Variants in PARD3 observed in about 807,000 individuals in gnomAD.
PARD3 encodes par-3 family cell polarity regulator, also known as partitioning defective 3 homolog.
A neutral mutation model predicts 155.4 loss-of-function variants in PARD3; 75 were observed. The ratio of observed to expected loss-of-function variants is 0.48; its 90% confidence interval spans 0.40 to 0.58. The LOEUF is 0.58. Among genes scored for constraint, PARD3 ranks in the 20% least tolerant of loss-of-function variants. The pLI is 0.00. For synonymous variants in PARD3, 576 were observed against 610.5 expected, an observed-to-expected ratio of 0.94 and a Z score of 0.83; for missense variants, 1,642 against 1,721.7, an observed-to-expected ratio of 0.95 and a Z score of 0.82.
At chr10:34,518,525 G>A (rs2081931630) in intron 2 of PARD3, among the ~76,000 whole-genome samples, 1 of 152,138 alleles carries the variant, frequency 6.6e-6, no homozygotes, top group Non-Finnish European at 1.5e-5. Flanking sequence ...ACCTGAAGGG[G>A]CTCCCAATGG....
At chr10:34,643,232 C>T (rs183517934) in intron 2 of PARD3, among the ~76,000 whole-genome samples, 44 of 152,362 alleles carry the variant, frequency 2.9e-4, no homozygotes, top group African/African-American at 8.9e-4. Flanking sequence ...GGAGCCCCCT[C>T]GTCTTGTGTC....
At chr10:34,306,216 G>A (rs1475831618) in intron 20 of PARD3, among the ~76,000 whole-genome samples, 2 of 120,052 alleles carry the variant, frequency 1.7e-5, no homozygotes, top group African/African-American at 2.5e-5. Context: ...AGGAGGCAGA[G>A]GTTGCAGTGG....
At chr10:34,589,635 C>A (rs1162888288) in intron 2 of PARD3, among the ~76,000 whole-genome samples, 2 of 52,072 alleles carry the variant, frequency 3.8e-5, no homozygotes, top group African/African-American at 2.7e-4. Flanking sequence ...AAGTACATGT[C>A]CAAAAAAAAA....
intron 22 of PARD3, among the ~76,000 whole-genome samples, chr10:34,207,831 A>G (rs1951550633): frequency 6.6e-6 from 1 of 152,206 alleles, no homozygotes; most frequent in South Asian, 2.1e-4. Context: ...TAGAATGAAC[A>G]ACATCGAGGC....
intron 2 of PARD3, among the ~76,000 whole-genome samples, chr10:34,632,190 C>T (rs752133472): frequency 6.6e-6 from 1 of 152,166 alleles, no homozygotes; most frequent in Non-Finnish European, 1.5e-5. Context: ...ACCCAAGAGG[C>T]GGAGATTGCA....
chr10:34,718,969 A>T (rs981790553), intron 1 of PARD3, among the ~76,000 whole-genome samples: 1 of 152,196 alleles, frequency 6.6e-6, no homozygotes, highest in African/African-American at 2.4e-5. Context: ...AAAAAAAATA[A>T]AAATAAAAAA....
chr10:34,338,479 G>C (rs17472038), intron 16 of PARD3, among the ~76,000 whole-genome samples: 11,233 of 152,264 alleles, frequency 0.074, 566 homozygotes, highest in Non-Finnish European at 0.1. Flanking sequence ...CCAGGTGAGA[G>C]AACATCCCTC....
Position 34,741,527 on chromosome 10 carries a change from G to T in PARD3, c.121-45108C>A, listed in dbSNP as rs564408311. 5.9e-5 allele frequency among the ~76,000 whole-genome samples: 9 copies of T among 152,166 alleles called. No homozygotes were observed. In the South Asian group the frequency reaches 1.9e-3, roughly 32 times the overall value. On this transcript the variant is annotated intron_variant, in intron 1 of 24. Transcript: ENST00000374788. ...AGAAAATTCTGGGTAAAGAAGAAAG[G>T]GAATATCTAATTCTCATTTAGGTGG...
intron 22 of PARD3, among the ~76,000 whole-genome samples, chr10:34,251,977 C>A (rs1229468675): frequency 6.6e-6 from 1 of 152,130 alleles, no homozygotes; most frequent in Non-Finnish European, 1.5e-5. Flanking sequence ...GACAACACCC[C>A]CTGCCCCGCT....
At chr10:34,259,929 G>A (rs1358227256) in intron 22 of PARD3, among the ~76,000 whole-genome samples, 1 of 152,036 alleles carries the variant, frequency 6.6e-6, no homozygotes, top group Admixed American at 6.6e-5. Context: ...CTGAAGCTTC[G>A]AACTCCTGGA....
intron 2 of PARD3, among the ~76,000 whole-genome samples, chr10:34,518,926 G>A (rs1040332634): frequency 6.6e-6 from 1 of 152,164 alleles, no homozygotes; most frequent in African/African-American, 2.4e-5. Context: ...CCAGGTTAAC[G>A]TCATTCATAG....
chr10:34,493,208 CATGCAAGTTAT>C (rs957034393), intron 3 of PARD3, among the ~76,000 whole-genome samples: 27 of 152,106 alleles, frequency 1.8e-4, no homozygotes, highest in Non-Finnish European at 5.9e-5. Flanking sequence ...CAATGCAAGA[CATGCAAGTTAT>C]AAAAGAATAA....
At chr10:34,808,131 T>C (rs1231535603) in intron 1 of PARD3, among the ~76,000 whole-genome samples, 1 of 152,098 alleles carries the variant, frequency 6.6e-6, no homozygotes, top group Non-Finnish European at 1.5e-5. Context: ...CTAGCCAACA[T>C]GGCGAGATGC....
rs527596742 is a variant in PARD3, at chr10:34,463,950, C to T, written c.582+6135G>A. ...CTAGGTGTGTTGTAGGCTACACCAT[C>T]TAGGTTTGTGTAAGTGCACTCTATG... On this transcript the variant is annotated intron_variant, in intron 4 of 24. Coordinates refer to ENST00000374788, the MANE Select transcript of PARD3 (RefSeq NM_001184785.2). 2.0e-5 allele frequency among the ~76,000 whole-genome samples: 3 copies of T among 152,250 alleles called. No individual in the cohort carries two copies. In the East Asian group the frequency reaches 5.8e-4, roughly 29 times the overall value.
At chr10:34,262,309 G>C (rs1245329870) in intron 22 of PARD3, among the ~76,000 whole-genome samples, 1 of 151,834 alleles carries the variant, frequency 6.6e-6, no homozygotes, top group Admixed American at 6.6e-5. Flanking sequence ...CTCTGTCACT[G>C]ATTCTGGAGT....
intron 1 of PARD3, among the ~76,000 whole-genome samples, chr10:34,763,539 G>A (rs1591002496): frequency 6.6e-6 from 1 of 152,122 alleles, no homozygotes; most frequent in East Asian, 1.9e-4. Context: ...AAAAAATAGA[G>A]ATGTTGAGTC....
chr10:34,517,454 A>G (rs1009104135), intron 2 of PARD3, among the ~76,000 whole-genome samples: 2 of 152,226 alleles, frequency 1.3e-5, no homozygotes, highest in Non-Finnish European at 2.9e-5. Context: ...CTTCTTAAAA[A>G]TATAGGATAT....
At chr10:34,632,005 G>A (rs1042771668) in intron 2 of PARD3, among the ~76,000 whole-genome samples, 3 of 152,216 alleles carry the variant, frequency 2.0e-5, no homozygotes, top group African/African-American at 4.8e-5. Context: ...CCTGAGGCCA[G>A]GCAGAGTGGC....
intron 22 of PARD3, among the ~76,000 whole-genome samples, chr10:34,144,756 T>C (rs1948373002): frequency 6.6e-6 from 1 of 152,194 alleles, no homozygotes; most frequent in African/African-American, 2.4e-5. Context: ...AATATAATTA[T>C]AGCAAAATTT....
Sources: allele counts gnomAD v4.1 joint callset (sites outside exome capture counted in the v4.1 genomes callset), GRCh38; gene constraint gnomAD v4.1.1; transcripts MANE v1.5; gene names NCBI Gene and HGNC (gene_info 2026-07-23, HGNC 2026-07-21).